KDM5B: variants seen among roughly 807,000 people sequenced by gnomAD.
KDM5B encodes the protein lysine demethylase 5B, also known as lysine-specific demethylase 5B.
Under a neutral mutation model 193.4 loss-of-function variants are expected in KDM5B, and 144 were observed. That is an observed-to-expected ratio of 0.74 (90% confidence interval 0.65 to 0.86). KDM5B has a LOEUF of 0.86. KDM5B is among the 40% of genes least tolerant of loss of function. The probability of loss-of-function intolerance (pLI) is 0.00; values close to 1 mark genes in which losing one functional copy is unlikely to be tolerated. For missense variants in KDM5B, 1,833 were observed against 1,886.9 expected (o/e 0.97, Z 0.53); for synonymous variants, 668 against 682.6 (o/e 0.98, Z 0.33).
chr1:202,787,797 G>A (rs1487949422), intron 1 of KDM5B, among the ~76,000 whole-genome samples: 1 of 151,802 alleles, frequency 6.6e-6, no homozygotes, highest in African/African-American at 2.4e-5. Context: ...GGAGGCTGAG[G>A]CAGAATCGCT....
chr1:202,793,496 G>A (rs1657722655), intron 1 of KDM5B, among the ~76,000 whole-genome samples: 1 of 152,142 alleles, frequency 6.6e-6, no homozygotes, highest in Admixed American at 6.6e-5. Flanking sequence ...GTAAAGAAGG[G>A]CTGATATTTT....
chr1:202,750,413 G>T (rs1655742319), intron 13 of KDM5B, among the ~76,000 whole-genome samples: 1 of 151,712 alleles, frequency 6.6e-6, no homozygotes, highest in Admixed American at 6.6e-5. Flanking sequence ...CAAGTAATTG[G>T]GATTACAGGC....
chr1:202,747,569 T>TTA lies in KDM5B; in HGVS notation c.2017-1247_2017-1246insTA, dbSNP rs1491280577. Among the ~76,000 whole-genome samples, 188 of 129,144 alleles carry TTA rather than the reference T, an allele frequency of 1.5e-3. 1 individual carries two copies. In the East Asian group the frequency reaches 0.021, roughly 15 times the overall value. The allele number at this position is 129,144 out of a possible 152,430, so 84.7% of individuals were successfully genotyped here. A position where few individuals can be genotyped will look rare whatever the true frequency, so the allele number is the denominator to read the frequency against. On this transcript the variant is annotated intron_variant, in intron 14 of 26. Transcript: ENST00000367265. ...TTCTACCCAAAAAGGCACATATTTT[T>TTA]AAAAAAAAAAAAAAAAACAGTATTA...
At position 202,728,912 on chromosome 1, in the gene KDM5B, T is replaced by G. The variant is rs533850406; in HGVS notation, c.*124A>C. 17 of 1,106,904 alleles carry G rather than the reference T, an allele frequency of 1.5e-5. No homozygotes were observed. In the African/African-American group the frequency reaches 2.6e-4, roughly 17 times the overall value. The allele number at this position is 1,106,904 out of a possible 1,614,324, so 68.6% of individuals were successfully genotyped here. A position where few individuals can be genotyped will look rare whatever the true frequency, so the allele number is the denominator to read the frequency against. Reference sequence around the variant, plus strand: ...CCTGGAAAAATGATCCCATAAGGAATAGAAATAGCACCGTTTACAGGCTGG... The same window carrying G: ...CCTGGAAAAATGATCCCATAAGGAAGAGAAATAGCACCGTTTACAGGCTGG... On this transcript the variant is annotated 3_prime_UTR_variant, in exon 27 of 27. Coordinates refer to ENST00000367265, the MANE Select transcript of KDM5B (RefSeq NM_006618.5).
chr1:202,736,682 C>T (rs574454522), intron 20 of KDM5B, among the ~76,000 whole-genome samples: 39 of 151,524 alleles, frequency 2.6e-4, no homozygotes, highest in Non-Finnish European at 7.4e-5. Context: ...ATCACTCTTG[C>T]CTGGGCTGCA....
intron 1 of KDM5B, among the ~76,000 whole-genome samples, chr1:202,804,201 A>G (rs1237831998): frequency 6.6e-6 from 1 of 152,216 alleles, no homozygotes; most frequent in Non-Finnish European, 1.5e-5. Context: ...ATCAAAAACC[A>G]CTGAATTACA....
chr1:202,791,908 A>G (rs1188482872), intron 1 of KDM5B, among the ~76,000 whole-genome samples: 4 of 152,102 alleles, frequency 2.6e-5, no homozygotes, highest in African/African-American at 9.7e-5. Flanking sequence ...TAGTAGAGAC[A>G]GAGCTTCACC....
chr1:202,758,438 C>T lies in KDM5B; in HGVS notation c.1150G>A (p.Glu384Lys). Residue 384 changes from glutamate to lysine, a missense_variant, in exon 9 of 27, where the codon GAA becomes AAA. By Grantham distance (56) the Glu-to-Lys change is moderately conservative. Transcript: ENST00000367265. Reference sequence around the variant, plus strand: ...TCAGATTTGAACGCATCTGCCATTTCCCCAAAAGTACGGAGGGTATAGTCC... The same window carrying T: ...TCAGATTTGAACGCATCTGCCATTTTCCCAAAAGTACGGAGGGTATAGTCC... ...ARDYTLRTFG[E>K]MADAFKSDYF... 1 of 1,613,230 alleles carries T rather than the reference C, an allele frequency of 6.2e-7. No homozygotes were observed. The highest frequency in any genetic ancestry group is 8.5e-7 in the Non-Finnish European group (1 of 1,179,416).
chr1:202,778,189 T>G lies in KDM5B; in HGVS notation c.205-1095A>C, dbSNP rs184286092. Among the ~76,000 whole-genome samples the G allele has an allele frequency of 3.4e-4, 52 of 151,980 alleles. 1 individual carries two copies. The highest frequency in any genetic ancestry group is 3.4e-3 in the Middle Eastern group (1 of 294). ...GACTTCACCTCAAAAAAAAAAAAATTTGTCCTTAATATGTATACTCGTATA... is the reference window on the plus strand; with the variant it reads ...GACTTCACCTCAAAAAAAAAAAAATGTGTCCTTAATATGTATACTCGTATA... On this transcript the variant is annotated intron_variant, in intron 1 of 26. Coordinates refer to ENST00000367265, the MANE Select transcript of KDM5B (RefSeq NM_006618.5).
chr1:202,780,681 T>A (rs749358621), intron 1 of KDM5B, among the ~76,000 whole-genome samples: 26 of 151,226 alleles, frequency 1.7e-4, no homozygotes, highest in Admixed American at 5.3e-4. Flanking sequence ...ATAAAAAATA[T>A]CTAGATATTC....
At chr1:202,744,534 G>A (rs527244778) in intron 16 of KDM5B, among the ~76,000 whole-genome samples, 2 of 152,164 alleles carry the variant, frequency 1.3e-5, no homozygotes, top group African/African-American at 4.8e-5. Context: ...CTCCAGTCTG[G>A]GTGACAGAGC....
chr1:202,789,985 G>A (rs1379129609), intron 1 of KDM5B, among the ~76,000 whole-genome samples: 2 of 152,090 alleles, frequency 1.3e-5, no homozygotes, highest in Non-Finnish European at 2.9e-5. Context: ...CACTTTGGGA[G>A]GCCGAGGTGG....
chr1:202,766,856 T>G lies in KDM5B; in HGVS notation c.711+70A>C. On this transcript the variant is annotated intron_variant, in intron 5 of 26. Transcript: ENST00000367265. ...ACAAAGAGCACACACATGAGAGAAA[T>G]CCAGTGCCAGACAGCCATTGGTATT... 4.1e-6 allele frequency: 6 copies of G among 1,463,290 alleles called. No homozygotes were observed. The South Asian group carries it at 8.5e-5, about 21-fold the overall frequency. The allele number at this position is 1,463,290 out of a possible 1,614,324, so 90.6% of individuals were successfully genotyped here.
intron 12 of KDM5B, among the ~76,000 whole-genome samples, chr1:202,752,112 T>C (rs909360556): frequency 2.6e-5 from 4 of 152,192 alleles, no homozygotes; most frequent in African/African-American, 9.6e-5. Context: ...TACATTTTAT[T>C]TAGCTAAGAT....
chr1:202,756,544 A>G, intron 9 of KDM5B, 28 bp from the exon 10 acceptor site: 1 of 1,546,990 alleles, frequency 6.5e-7, no homozygotes, highest in Non-Finnish European at 8.7e-7. Flanking sequence ...AGAAAAAATG[A>G]GTTTCCTCAC....
chr1:202,755,189 G>T, intron 11 of KDM5B, 82 bp downstream of exon 11: 1 of 1,058,462 alleles, frequency 9.4e-7, no homozygotes, highest in Non-Finnish European at 1.4e-6. Context: ...TTCAGACACA[G>T]TTAAGACACA....
intron 26 of KDM5B, 119 bp downstream of exon 26, chr1:202,729,588 C>A (rs930090482): frequency 1.3e-5 from 10 of 797,282 alleles, no homozygotes; most frequent in Non-Finnish European, 1.9e-5. Context: ...GCTGAGCAAT[C>A]CATTCAGATC....
intron 12 of KDM5B, 147 bp from the exon 13 acceptor site, chr1:202,750,925 TATCACCTAGAGATACTAATTTA>T: frequency 1.4e-6 from 1 of 703,214 alleles, no homozygotes; most frequent in African/African-American, 1.8e-5. Flanking sequence ...TATAGTAGAA[TATCACCTAGAGATACTAATTTA>T]TGTCACAAGA....
chr1:202,736,073 A>G (rs1655082260), intron 21 of KDM5B, 140 bp downstream of exon 21: 1 of 568,984 alleles, frequency 1.8e-6, no homozygotes, highest in African/African-American at 1.9e-5. Flanking sequence ...AGAAAATTAG[A>G]AGAGTCTCCC....
Sources: gnomAD v4.1 joint callset for allele counts (sites outside exome capture counted in the v4.1 genomes callset) on GRCh38, gnomAD v4.1.1 for gene constraint, MANE v1.5 for transcripts, NCBI Gene and HGNC (gene_info 2026-07-23, HGNC 2026-07-21) for gene names.